ZNF521: variants seen among roughly 807,000 people sequenced by gnomAD.
ZNF521 encodes the protein LYST-interacting protein 3.
Under a neutral mutation model 105.5 loss-of-function variants are expected in ZNF521, and 14 were observed. That is an observed-to-expected ratio of 0.13 (90% confidence interval 0.09 to 0.21). The LOEUF is 0.21. ZNF521 is among the 10% of genes least tolerant of loss of function. The pLI, the probability that ZNF521 is intolerant of heterozygous loss-of-function variation, is 1.00. For synonymous variants in ZNF521, 635 were observed against 606.0 expected, an observed-to-expected ratio of 1.05 and a Z score of -0.70; for missense variants, 1,233 against 1,629.7, an observed-to-expected ratio of 0.76 and a Z score of 4.19.
intron 3 of ZNF521, among the ~76,000 whole-genome samples, chr18:25,288,564 A>G (rs1277060312): frequency 6.9e-6 from 1 of 145,410 alleles, no homozygotes; most frequent in South Asian, 2.3e-4. Flanking sequence ...CAGCTGCATT[A>G]TAACACTTAA....
intron 3 of ZNF521, among the ~76,000 whole-genome samples, chr18:25,263,905 G>A (rs150146322): frequency 1.9e-3 from 285 of 152,276 alleles, no homozygotes; most frequent in African/African-American, 6.0e-3. Flanking sequence ...TAACCTATAT[G>A]TAAGAATGAA....
At chr18:25,084,207 AAT>A (rs1164329725) in intron 7 of ZNF521, among the ~76,000 whole-genome samples, 1 of 151,412 alleles carries the variant, frequency 6.6e-6, no homozygotes, top group East Asian at 1.9e-4. Flanking sequence ...CATATTATTT[AAT>A]AATGTGAGAC....
At chr18:25,250,997 A>G (rs1908081272) in intron 3 of ZNF521, among the ~76,000 whole-genome samples, 1 of 152,222 alleles carries the variant, frequency 6.6e-6, no homozygotes, top group Non-Finnish European at 1.5e-5. Context: ...TGTAAACGAA[A>G]CACTCAAATA....
chr18:25,323,398 AAT>A, intron 2 of ZNF521, among the ~76,000 whole-genome samples: 1 of 152,098 alleles, frequency 6.6e-6, no homozygotes, highest in East Asian at 1.9e-4. Flanking sequence ...GGCTACAATA[AAT>A]ATGATAATTT....
At chr18:25,330,166 C>A (rs1334389977) in intron 2 of ZNF521, among the ~76,000 whole-genome samples, 2 of 144,556 alleles carry the variant, frequency 1.4e-5, no homozygotes, top group East Asian at 4.0e-4. Flanking sequence ...TAACTTTTTT[C>A]TTTTTCTTTT....
Position 25,225,271 on chromosome 18 carries a change from C to G in ZNF521, c.2647G>C (p.Glu883Gln). ...CAAATGTCGCAGCCGTACATAGGCT[C>G]AGAGGTGTCAACGTCTTCTTCGCTC... ...DGSEEDVDTS[E>Q]PMYGCDICGA... Residue 883 changes from glutamate to glutamine, a missense_variant, in exon 4 of 8, where the codon GAG becomes CAG. Around this residue, in one of 6 missense-constraint regions of ZNF521, gnomAD observed 614 missense variants for 751.5 expected, o/e 0.82. Coordinates refer to ENST00000361524, the MANE Select transcript of ZNF521 (RefSeq NM_015461.3). This position sits in a 1 kb window ranked among gnomAD's most constrained non-coding sequence, Gnocchi z 5.6. The G allele has an allele frequency of 6.2e-7, 1 of 1,614,132 alleles. No homozygotes were observed. The highest frequency in any genetic ancestry group is 8.5e-7 in the Non-Finnish European group (1 of 1,180,030).
chr18:25,097,254 C>T (rs764491786), intron 5 of ZNF521, among the ~76,000 whole-genome samples: 2 of 152,024 alleles, frequency 1.3e-5, no homozygotes, highest in East Asian at 1.9e-4. Flanking sequence ...CACTCAGCCA[C>T]GATAATTTGT....
chr18:25,215,280 A>T lies in ZNF521; in HGVS notation c.3573+9065T>A, dbSNP rs535381429. Among the ~76,000 whole-genome samples the T allele has an allele frequency of 1.5e-4, 23 of 152,340 alleles. 2 individuals are homozygous for T. The South Asian group carries it at 4.8e-3, about 32-fold the overall frequency. ...TATAAATAAGGGGAACCAGCTATTC[A>T]GGCTTTTTAAAAGCTTTTGGCAAGA... On this transcript the variant is annotated intron_variant, in intron 4 of 7. Coordinates refer to ENST00000361524, the MANE Select transcript of ZNF521 (RefSeq NM_015461.3).
intron 3 of ZNF521, among the ~76,000 whole-genome samples, chr18:25,290,820 C>T (rs1184650752): frequency 6.6e-6 from 1 of 151,958 alleles, no homozygotes; most frequent in Non-Finnish European, 1.5e-5. Context: ...ACCCAAAGTG[C>T]TGGGATTTCA....
intron 2 of ZNF521, among the ~76,000 whole-genome samples, chr18:25,338,260 TG>T (rs2145198463): frequency 7.9e-4 from 1 of 1,270 alleles, no homozygotes; most frequent in African/African-American, 2.3e-3. Context: ...CATAGACTTT[TG>T]TGTGTGTGTG....
chr18:25,326,510 A>G (rs1343881812), intron 2 of ZNF521, among the ~76,000 whole-genome samples: 1 of 152,236 alleles, frequency 6.6e-6, no homozygotes, highest in East Asian at 1.9e-4. Flanking sequence ...AAATCTCTGC[A>G]GTAAGATTAA....
intron 5 of ZNF521, among the ~76,000 whole-genome samples, chr18:25,113,464 T>C (rs2034236164): frequency 1.3e-5 from 2 of 152,208 alleles, no homozygotes; most frequent in Admixed American, 1.3e-4. Context: ...GAAATGCAGT[T>C]CTTTGTTTAA....
chr18:25,139,108 C>T (rs980784416), intron 5 of ZNF521, among the ~76,000 whole-genome samples: 1 of 151,992 alleles, frequency 6.6e-6, no homozygotes, highest in Admixed American at 6.6e-5. Context: ...CGGTGGCTCA[C>T]GCCTGTAATC....
intron 3 of ZNF521, among the ~76,000 whole-genome samples, chr18:25,311,602 C>G (rs1326528739): frequency 5.9e-5 from 9 of 152,114 alleles, no homozygotes; most frequent in African/African-American, 2.2e-4. Flanking sequence ...ACTGTCTCCA[C>G]ATCCCAAATA....
At chr18:25,315,988 A>G (rs1458029751) in intron 3 of ZNF521, among the ~76,000 whole-genome samples, 1 of 152,164 alleles carries the variant, frequency 6.6e-6, no homozygotes, top group Non-Finnish European at 1.5e-5. Flanking sequence ...GATAGCTTTC[A>G]CTTCTAATCA....
At chr18:25,295,971 T>C (rs1314938722) in intron 3 of ZNF521, among the ~76,000 whole-genome samples, 1 of 152,242 alleles carries the variant, frequency 6.6e-6, no homozygotes, top group Non-Finnish European at 1.5e-5. Context: ...CACTTTTTGC[T>C]AATTTGACAG....
At chr18:25,258,791 G>C (rs1173532029) in intron 3 of ZNF521, among the ~76,000 whole-genome samples, 5 of 152,088 alleles carry the variant, frequency 3.3e-5, no homozygotes, top group African/African-American at 1.2e-4. Flanking sequence ...TATAAAAGAA[G>C]ACCACTTATA....
intron 3 of ZNF521, among the ~76,000 whole-genome samples, chr18:25,258,062 G>A (rs1441008654): frequency 2.6e-5 from 4 of 152,096 alleles, no homozygotes; most frequent in Non-Finnish European, 5.9e-5. Flanking sequence ...CCTTCTGTAT[G>A]TATAGGCTAT....
chr18:25,232,958 C>A (rs750481389), intron 3 of ZNF521, among the ~76,000 whole-genome samples: 1 of 152,128 alleles, frequency 6.6e-6, no homozygotes. Context: ...AGTACTTTTT[C>A]AGTCATTAGC....
Sources: gnomAD v4.1 joint callset for allele counts (sites outside exome capture counted in the v4.1 genomes callset) on GRCh38, gnomAD v4.1.1 for gene constraint, gnomAD v4.1.1 regional missense constraint, Gnocchi (gnomAD v3.1) non-coding constraint, MANE v1.5 for transcripts, NCBI Gene and HGNC (gene_info 2026-07-23, HGNC 2026-07-21) for gene names.